The following PEX13 variants were observed in gnomAD, a reference collection of about 807,000 sequenced individuals.
PEX13 encodes peroxisome biogenesis factor 13.
In PEX13, 28 loss-of-function variants were observed where a neutral mutation model predicts 34.5. The ratio of observed to expected loss-of-function variants is 0.81; its 90% CI spans 0.60 to 1.11. PEX13 has a LOEUF of 1.11. Among genes scored for constraint, PEX13 ranks in the 50% most tolerant of loss-of-function variants. The probability of loss-of-function intolerance (pLI) is 0.00; values close to 1 mark genes in which losing one functional copy is unlikely to be tolerated. For missense variants in PEX13, 550 were observed against 491.0 expected (o/e 1.12, Z -1.13); for synonymous variants, 177 against 175.1 (o/e 1.01, Z -0.09).
chr2:61,047,153 T>C (rs1162605586), intron 3 of PEX13, among the ~76,000 whole-genome samples: 1 of 152,058 alleles, frequency 6.6e-6, no homozygotes, highest in East Asian at 1.9e-4. Flanking sequence ...TTTGTATTTT[T>C]CTTTCTTTTT....
intron 1 of PEX13, chr2:61,018,193 T>C (rs1368816318): frequency 1.3e-6 from 2 of 1,550,984 alleles, no homozygotes; most frequent in East Asian, 2.4e-5. Context: ...GCGTAGACTT[T>C]GGTCTGTAGC....
intron 2 of PEX13, among the ~76,000 whole-genome samples, chr2:61,035,317 A>G (rs769443813): frequency 6.6e-6 from 1 of 152,232 alleles, no homozygotes; most frequent in Non-Finnish European, 1.5e-5. Flanking sequence ...CCCCATTTGT[A>G]GGTTGCCAAC....
intron 1 of PEX13, 100 bp downstream of exon 1, chr2:61,017,951 C>T (rs7602846): frequency 1.1e-5 from 15 of 1,378,466 alleles, no homozygotes; most frequent in East Asian, 7.5e-5. Flanking sequence ...TCCCTTCCCC[C>T]CTTTAACCAA....
At chr2:61,036,166 G>A (rs535825444) in intron 2 of PEX13, among the ~76,000 whole-genome samples, 7 of 152,200 alleles carry the variant, frequency 4.6e-5, no homozygotes, top group South Asian at 2.1e-4. Flanking sequence ...TTGATGTACC[G>A]GAAAGTGATA....
chr2:61,029,048 CACCT>C (rs1437974788), intron 1 of PEX13, among the ~76,000 whole-genome samples: 1 of 149,778 alleles, frequency 6.7e-6, no homozygotes, highest in African/African-American at 2.5e-5. Flanking sequence ...GTGGTGGTCT[CACCT>C]ACATAGGAAG....
At chr2:61,042,426 A>G (rs1479218684) in intron 2 of PEX13, among the ~76,000 whole-genome samples, 1 of 152,212 alleles carries the variant, frequency 6.6e-6, no homozygotes, top group Non-Finnish European at 1.5e-5. Flanking sequence ...TATGACACAC[A>G]AGAAAAAAGT....
In PEX13 at chr2:61,031,603, T is replaced by C; in HGVS notation, c.277T>C (p.Tyr93His). The change falls in exon 2 of 4, where the codon TAT becomes CAT. Residue 93 changes from tyrosine to histidine, a missense_variant. Coordinates refer to ENST00000295030, the MANE Select transcript of PEX13 (RefSeq NM_002618.4). ...GAYGNSFYGGYSPYSYGYNGL... is the reference protein window; with the variant it reads ...GAYGNSFYGGHSPYSYGYNGL... ...CTATGGAAATTCATTTTATGGAGGC[T>C]ATAGTCCTTATAGTTATGGATATAA... 6.2e-7 allele frequency: 1 copy of C among 1,614,194 alleles called. No individual in the cohort carries two copies. The highest frequency in any genetic ancestry group is 8.5e-7 in the Non-Finnish European group (1 of 1,180,024).
chr2:61,050,404 G>A lies in PEX13; in HGVS notation c.*1634G>A, dbSNP rs1680777318. ...ACAAACAAACAAAAAATAATAATAC[G>A]ATAATGCTATTTGACGTGTTTTTTG... On this transcript the variant is annotated 3_prime_UTR_variant, in exon 4 of 4. Coordinates refer to ENST00000295030, the MANE Select transcript of PEX13 (RefSeq NM_002618.4). 1 of 152,130 alleles carries A rather than the reference G, an allele frequency of 6.6e-6. No individual in the cohort carries two copies. Among genetic ancestry groups the A allele is most frequent in the East Asian group, 1.9e-4 (1 of 5,308 alleles). 9.4% of individuals were successfully genotyped at this position (152,130 alleles called of 1,614,324 possible).
chr2:61,019,789 G>A (rs920965131), intron 1 of PEX13, among the ~76,000 whole-genome samples: 1 of 152,148 alleles, frequency 6.6e-6, no homozygotes, highest in East Asian at 1.9e-4. Context: ...AGTATGTCAA[G>A]AGTTTCCACA....
chr2:61,034,824 C>A (rs1213705179), intron 2 of PEX13, among the ~76,000 whole-genome samples: 1 of 152,248 alleles, frequency 6.6e-6, no homozygotes, highest in African/African-American at 2.4e-5. Flanking sequence ...GAAGCTCGAA[C>A]TGGGCGGAGC....
At chr2:61,026,733 A>G (rs1319550868) in intron 1 of PEX13, among the ~76,000 whole-genome samples, 1 of 152,072 alleles carries the variant, frequency 6.6e-6, no homozygotes, top group African/African-American at 2.4e-5. Context: ...CACAGATATT[A>G]TTTCATTTCT....
At chr2:61,034,058 G>A (rs138020490) in intron 2 of PEX13, among the ~76,000 whole-genome samples, 78 of 152,046 alleles carry the variant, frequency 5.1e-4, no homozygotes, top group African/African-American at 1.7e-3. Flanking sequence ...GTGCAGTGGC[G>A]CGATCTCAGC....
chr2:61,045,613 G>A, intron 2 of PEX13, 113 bp from the exon 3 acceptor site: 1 of 796,428 alleles, frequency 1.3e-6, no homozygotes, highest in Non-Finnish European at 2.1e-6. Flanking sequence ...TTTTACTTGG[G>A]AGGGGAGGAC....
rs192504164 is a variant in PEX13, at chr2:61,022,065, T to A, written c.92+4214T>A. ...CCAAAGGTAGATAAAACCACAAAGATGGGGAGAAACCAGAGCAGAAAAGCT... is the reference window on the plus strand; with the variant it reads ...CCAAAGGTAGATAAAACCACAAAGAAGGGGAGAAACCAGAGCAGAAAAGCT... On this transcript the variant is annotated intron_variant, in intron 1 of 3. Transcript: ENST00000295030. Among the ~76,000 whole-genome samples, 5 of 152,312 alleles carry A rather than the reference T, an allele frequency of 3.3e-5. No homozygotes were observed. The East Asian group carries it at 9.6e-4, about 29-fold the overall frequency.
In PEX13 at chr2:61,017,773, C is replaced by T. The variant is rs898062680; in HGVS notation, c.14C>T (p.Pro5Leu). 1.2e-5 allele frequency: 18 copies of T among 1,549,670 alleles called. No homozygotes were observed. Among genetic ancestry groups the T allele is most frequent in the Non-Finnish European group, 1.5e-5 (17 of 1,146,754 alleles). ...GAGGCGGAGGAGATGGCGTCCCAGC[C>T]GCCACCTCCCCCCAAACCCTGGGAG... Reference protein sequence around the residue: MASQPPPPPKPWETR... With the variant: MASQLPPPPKPWETR... Residue 5 changes from proline to leucine, a missense_variant, in exon 1 of 4, where the codon CCG (proline) becomes CTG (leucine). Physicochemically the swap from Pro to Leu is moderately conservative, Grantham distance 98. Coordinates refer to ENST00000295030, the MANE Select transcript of PEX13 (RefSeq NM_002618.4).
intron 1 of PEX13, among the ~76,000 whole-genome samples, chr2:61,026,375 C>T (rs866143365): frequency 8.0e-6 from 1 of 124,282 alleles, no homozygotes; most frequent in South Asian, 2.5e-4. Flanking sequence ...GACGGAGTCT[C>T]ACTCTGTCGC....
In PEX13 at chr2:61,017,735, C is replaced by T. The variant is rs1680098679; in HGVS notation, c.-25C>T. 2 of 1,540,354 alleles carry T rather than the reference C, an allele frequency of 1.3e-6. No individual in the cohort carries two copies. The highest frequency in any genetic ancestry group is 1.8e-6 in the Non-Finnish European group (2 of 1,139,280). Reference sequence around the variant, plus strand: ...GGGCCTGGACAGTCAGGGGTAGGAGCGGGAGCCGAGAGGAGGCGGAGGAGA... The same window carrying T: ...GGGCCTGGACAGTCAGGGGTAGGAGTGGGAGCCGAGAGGAGGCGGAGGAGA... On this transcript the variant is annotated 5_prime_UTR_variant, in exon 1 of 4. Transcript: ENST00000295030.
chr2:61,032,127 A>C lies in PEX13; in HGVS notation c.787+14A>C. The C allele has an allele frequency of 2.6e-6, 4 of 1,546,178 alleles. No individual in the cohort carries two copies. Among genetic ancestry groups the C allele is most frequent in the Non-Finnish European group, 3.6e-6 (4 of 1,118,506 alleles). On this transcript the variant is annotated intron_variant, in intron 2 of 3. Transcript: ENST00000295030. ...ATGAAGTAACAGGTAAGAGAACTGT[A>C]AGGGAACAGGTTCAGATACCATATA...
At chr2:61,023,616 CATT>C (rs1177360821) in intron 1 of PEX13, among the ~76,000 whole-genome samples, 2 of 151,964 alleles carry the variant, frequency 1.3e-5, no homozygotes, top group East Asian at 1.9e-4. Flanking sequence ...CTATAAGTAA[CATT>C]ATCTGACTCA....
Sources: gnomAD v4.1 joint callset for allele counts (sites outside exome capture counted in the v4.1 genomes callset) on GRCh38, gnomAD v4.1.1 for gene constraint, MANE v1.5 for transcripts, NCBI Gene and HGNC (gene_info 2026-07-23, HGNC 2026-07-21) for gene names.